Variants in RGS8 observed in about 807,000 individuals in gnomAD.
RGS8 encodes regulator of G protein signaling 8.
Under a neutral mutation model 21.7 loss-of-function variants are expected in RGS8, and 8 were observed. The observed-to-expected ratio is 0.37, with a 90% CI of 0.22 to 0.66. The LOEUF (loss-of-function observed/expected upper bound fraction) is 0.66. Among genes scored for constraint, RGS8 ranks in the 30% least tolerant of loss-of-function variants. The pLI, the probability that RGS8 is intolerant of heterozygous loss-of-function variation, is 0.59. For synonymous variants in RGS8, 80 were observed against 83.6 expected (o/e 0.96, Z 0.24); for missense variants, 157 against 217.9 (o/e 0.72, Z 1.76).
the RGS8 span, chr1:182,734,282 T>C: frequency 7.2e-5 from 11 of 152,344 alleles, no homozygotes; most frequent in African/African-American, 2.6e-4. Context: ...CACAGTGTGA[T>C]CTGATTCTCT....
intron 5 of RGS8, among the ~76,000 whole-genome samples, chr1:182,662,549 C>T (rs776289787): frequency 6.6e-6 from 1 of 152,182 alleles, no homozygotes; most frequent in Non-Finnish European, 1.5e-5. Context: ...CAATGCTCTT[C>T]GCTTAATTGT....
At chr1:182,703,057 A>C in the RGS8 span, among the ~76,000 whole-genome samples, 2 of 152,200 alleles carry the variant, frequency 1.3e-5, no homozygotes, top group African/African-American at 4.8e-5. Context: ...ATCCTTTTTG[A>C]GTACTTATTA....
At chr1:182,693,041 G>A in the RGS8 span, among the ~76,000 whole-genome samples, 1 of 152,152 alleles carries the variant, frequency 6.6e-6, no homozygotes, top group African/African-American at 2.4e-5. Flanking sequence ...GAAAATCTAG[G>A]AAATATCATT....
At chr1:182,707,326 G>A in the RGS8 span, among the ~76,000 whole-genome samples, 4 of 152,156 alleles carry the variant, frequency 2.6e-5, no homozygotes, top group African/African-American at 9.7e-5. Context: ...GAGGAACATG[G>A]CCTTCTGCCC....
At chr1:182,728,081 T>C in the RGS8 span, among the ~76,000 whole-genome samples, 3 of 151,216 alleles carry the variant, frequency 2.0e-5, no homozygotes, top group Non-Finnish European at 3.0e-5. Context: ...ATTGTTACAC[T>C]GATATTTGGT....
chr1:182,749,956 C>G, the RGS8 span, among the ~76,000 whole-genome samples: 2 of 152,162 alleles, frequency 1.3e-5, no homozygotes, highest in Non-Finnish European at 2.9e-5. Flanking sequence ...TACTTAACCT[C>G]TCTTAGTCTG....
At chr1:182,717,621 A>C in the RGS8 span, among the ~76,000 whole-genome samples, 1 of 152,200 alleles carries the variant, frequency 6.6e-6, no homozygotes, top group Non-Finnish European at 1.5e-5. Flanking sequence ...TATCTGAAAG[A>C]GTGCCCCCAT....
the RGS8 span, among the ~76,000 whole-genome samples, chr1:182,732,259 G>A: frequency 2.2e-5 from 2 of 92,832 alleles, no homozygotes; most frequent in Non-Finnish European, 2.1e-5. Flanking sequence ...CCTCTGTCTC[G>A]CTCTCTCTCT....
chr1:182,732,098 T>C, the RGS8 span, among the ~76,000 whole-genome samples: 1 of 152,166 alleles, frequency 6.6e-6, no homozygotes, highest in Non-Finnish European at 1.5e-5. Context: ...CCAACATTGG[T>C]GACTGACTGG....
rs554582381 is a variant in RGS8, at chr1:182,677,953, G to A, written n.222-5021C>T. Among the ~76,000 whole-genome samples, 3 of 152,282 alleles carry A rather than the reference G, an allele frequency of 2.0e-5. No homozygotes were observed. In the East Asian group the frequency reaches 5.8e-4, roughly 29 times the overall value. ...CATCAGGGTTAAAAATAAAGCTGAA[G>A]AAACACCTCAGCCAAATGTAATACA... On this transcript the variant is annotated intron_variant and non_coding_transcript_variant, in intron 1 of 4. Transcript: ENST00000515211.
chr1:182,686,711 T>C (rs959747161), upstream of RGS8, among the ~76,000 whole-genome samples: 1 of 152,100 alleles, frequency 6.6e-6, no homozygotes. Context: ...GAGTTGGAAA[T>C]ACAGCATTGG....
upstream of RGS8, chr1:182,672,906 T>G (rs561299028): frequency 6.4e-7 from 1 of 1,555,468 alleles, no homozygotes; most frequent in Non-Finnish European, 8.9e-7. Flanking sequence ...CCAAGCGTGG[T>G]CCCTGAACCA....
the RGS8 span, among the ~76,000 whole-genome samples, chr1:182,709,307 G>T: frequency 6.6e-6 from 1 of 152,012 alleles, no homozygotes; most frequent in Admixed American, 6.6e-5. Context: ...TGACAGAAAA[G>T]ATTCAAGAAT....
the RGS8 span, among the ~76,000 whole-genome samples, chr1:182,742,512 G>A: frequency 1.3e-5 from 2 of 152,228 alleles, no homozygotes; most frequent in African/African-American, 2.4e-5. Flanking sequence ...CGAGGCTGGC[G>A]GATCACTCGC....
chr1:182,664,499 A>G (rs551306534), intron 5 of RGS8, among the ~76,000 whole-genome samples: 2 of 152,354 alleles, frequency 1.3e-5, no homozygotes, highest in East Asian at 3.9e-4. Flanking sequence ...CCAAACTTCA[A>G]GATGACCTTG....
At chr1:182,746,190 C>A in the RGS8 span, among the ~76,000 whole-genome samples, 1 of 152,184 alleles carries the variant, frequency 6.6e-6, no homozygotes, top group South Asian at 2.1e-4. Context: ...CCAGGTACCA[C>A]CTTTCTGATC....
chr1:182,659,942 G>GACA (rs942863280), intron 5 of RGS8, among the ~76,000 whole-genome samples: 87 of 152,208 alleles, frequency 5.7e-4, no homozygotes, highest in African/African-American at 2.0e-3. Flanking sequence ...AGGCAAAGGG[G>GACA]ACAAGTATTA....
chr1:182,646,960 C>G, intron 6 of RGS8, 43 bp from the exon 8 acceptor site: 1 of 1,549,352 alleles, frequency 6.5e-7, no homozygotes, highest in South Asian at 1.2e-5. Context: ...CCCTCAAGGG[C>G]CAAGGTTTCT....
At chr1:182,732,191 A>G in the RGS8 span, among the ~76,000 whole-genome samples, 1 of 151,716 alleles carries the variant, frequency 6.6e-6, no homozygotes, top group Non-Finnish European at 1.5e-5. Context: ...AATTTGGGGA[A>G]TTTTGCTATA....
Sources: gnomAD v4.1 joint callset for allele counts (sites outside exome capture counted in the v4.1 genomes callset) on GRCh38, gnomAD v4.1.1 for gene constraint, MANE v1.5 for transcripts, NCBI Gene and HGNC (gene_info 2026-07-23, HGNC 2026-07-21) for gene names.